Variants in OXNAD1 observed in about 807,000 individuals in gnomAD.
OXNAD1 encodes oxidoreductase NAD binding domain containing 1, also known as oxidoreductase NAD-binding domain-containing protein 1.
Under a neutral mutation model 32.9 loss-of-function variants are expected in OXNAD1, and 34 were observed. That is an observed-to-expected ratio of 1.03 (90% CI 0.79 to 1.38). The LOEUF is 1.38. Among genes scored for constraint, OXNAD1 ranks in the 40% most tolerant of loss-of-function variants. The pLI is 0.00. For missense variants in OXNAD1, 407 were observed against 379.4 expected (o/e 1.07, Z -0.60); for synonymous variants, 134 against 135.2 (o/e 0.99, Z 0.06).
At chr3:16,311,934 G>A (rs2068008541) in intron 9 of OXNAD1, among the ~76,000 whole-genome samples, 1 of 152,196 alleles carries the variant, frequency 6.6e-6, no homozygotes, top group Admixed American at 6.5e-5. Context: ...TTTAAAATGT[G>A]TATCTGTTTA....
In OXNAD1 at chr3:16,265,556, T is replaced by C. The variant is rs1261304388; in HGVS notation, c.-159+51T>C. 1 of 152,244 alleles carries C rather than the reference T, an allele frequency of 6.6e-6. No individual in the cohort carries two copies. Among genetic ancestry groups the C allele is most frequent in the Non-Finnish European group, 1.5e-5 (1 of 68,092 alleles). The allele number at this position is 152,244 out of a possible 1,614,324, so 9.4% of individuals were successfully genotyped here. ...AGACGCCTTAAAATACCCTAAATTGTGTTGCTGAAAGGACCAAGCCCTGGA... is the reference window on the plus strand; with the variant it reads ...AGACGCCTTAAAATACCCTAAATTGCGTTGCTGAAAGGACCAAGCCCTGGA... On this transcript the variant is annotated intron_variant, in intron 1 of 8. Coordinates refer to ENST00000285083, the MANE Select transcript of OXNAD1 (RefSeq NM_138381.5). The surrounding 1 kb of genome is among the most constrained non-coding windows in gnomAD (Gnocchi z 4.8).
At position 16,287,912 on chromosome 3, in the gene OXNAD1, T is replaced by C. The variant is rs2066178782; in HGVS notation, c.290+1464T>C. The stretch of plus-strand genomic sequence containing the variant: ...CATTTCACTGAATTTAGGCCTGGTT[T>C]TCGTATGTGCCTGTCAGACTTCTTC... On this transcript the variant is annotated intron_variant, in intron 5 of 8. Transcript: ENST00000285083. The surrounding 1 kb of genome is among the most constrained non-coding windows in gnomAD (Gnocchi z 4.8). Among the ~76,000 whole-genome samples the C allele has an allele frequency of 6.6e-6, 1 of 152,182 alleles. No homozygotes were observed. Among genetic ancestry groups the C allele is most frequent in the Non-Finnish European group, 1.5e-5 (1 of 68,032 alleles).
At chr3:16,267,146 C>T (rs184909546) in intron 1 of OXNAD1, among the ~76,000 whole-genome samples, 1 of 152,176 alleles carries the variant, frequency 6.6e-6, no homozygotes, top group Non-Finnish European at 1.5e-5. Context: ...CACACCCTGC[C>T]TAATGTATCA....
At chr3:16,286,470 C>G (rs868750964) in intron 5 of OXNAD1, 22 bp downstream of exon 5, 2 of 1,584,802 alleles carry the variant, frequency 1.3e-6, no homozygotes, top group African/African-American at 2.7e-5. Flanking sequence ...TTCTGTGTTC[C>G]ATGTATGTAT....
chr3:16,274,707 A>G (rs2065199072), intron 4 of OXNAD1, among the ~76,000 whole-genome samples: 1 of 152,234 alleles, frequency 6.6e-6, no homozygotes, highest in Non-Finnish European at 1.5e-5. Flanking sequence ...TGCCCAAGCC[A>G]TATATGCCAG....
chr3:16,319,431 C>T lies in OXNAD1; in HGVS notation c.*30+15839C>T, dbSNP rs561594495. 2.1e-3 allele frequency among the ~76,000 whole-genome samples: 323 copies of T among 152,322 alleles called. 2 individuals carry two copies. Among genetic ancestry groups the T allele is most frequent in the African/African-American group, 7.2e-3 (300 of 41,560 alleles). Reference sequence around the variant, plus strand: ...TTATGAATCTGAGTTTCAAGTTACTCATCTCTAAAATGGTTGTCTCTACCT... The same window carrying T: ...TTATGAATCTGAGTTTCAAGTTACTTATCTCTAAAATGGTTGTCTCTACCT... On this transcript the variant is annotated intron_variant, in intron 9 of 9. Coordinates refer to the OXNAD1 transcript ENST00000435829.
Position 16,301,477 on chromosome 3 carries a change from C to T in OXNAD1, c.433-149C>T, listed in dbSNP as rs988857185. The T allele has an allele frequency of 1.1e-5, 10 of 925,984 alleles. No individual in the cohort carries two copies. The highest frequency in any genetic ancestry group is 2.8e-5 in the Admixed American group (1 of 35,776). The allele number at this position is 925,984 out of a possible 1,614,324, so 57.4% of individuals were successfully genotyped here. Reference sequence around the variant, plus strand: ...ATAAAATGAGCAAGTGGAATCAATTCACAGGGCATCGGGAAAATTGGGAGC... The same window carrying T: ...ATAAAATGAGCAAGTGGAATCAATTTACAGGGCATCGGGAAAATTGGGAGC... On this transcript the variant is annotated intron_variant, in intron 6 of 8. Coordinates refer to ENST00000285083, the MANE Select transcript of OXNAD1 (RefSeq NM_138381.5). The surrounding 1 kb of genome is among the most constrained non-coding windows in gnomAD (Gnocchi z 4.1).
rs2064754088 is a variant in OXNAD1, at chr3:16,269,068, A to G, written c.-158-58A>G. On this transcript the variant is annotated intron_variant, in intron 1 of 8. Transcript: ENST00000285083. Reference sequence around the variant, plus strand: ...GCCTTTCCTTTGGCAGCTAAGAGGTAATAGTGCTTTTGATCAGTTCCCCAA... The same window carrying G: ...GCCTTTCCTTTGGCAGCTAAGAGGTGATAGTGCTTTTGATCAGTTCCCCAA... 4 of 1,372,554 alleles carry G rather than the reference A, an allele frequency of 2.9e-6. No individual in the cohort carries two copies. In the South Asian group the frequency reaches 7.1e-5, roughly 24 times the overall value. 85.0% of individuals were successfully genotyped at this position (1,372,554 alleles called of 1,614,324 possible). A position where few individuals can be genotyped will look rare whatever the true frequency, so the allele number is the denominator to read the frequency against.
Position 16,316,574 on chromosome 3 carries a change from A to G in OXNAD1, c.*30+12982A>G. ...TGGAGCCAGGACTGGGCCTTCAGCC[A>G]TGAGGGCTAGAATAACCTGACCTCT... On this transcript the variant is annotated intron_variant, in intron 9 of 9. Coordinates refer to the OXNAD1 transcript ENST00000435829. The surrounding 1 kb of genome is among the most constrained non-coding windows in gnomAD (Gnocchi z 4.5). 3.8e-6 allele frequency: 2 copies of G among 527,610 alleles called. No individual in the cohort carries two copies. The highest frequency in any genetic ancestry group is 2.1e-5 in the South Asian group (1 of 48,248). 32.7% of individuals were successfully genotyped at this position (527,610 alleles called of 1,614,324 possible).
chr3:16,313,915 ATTC>A (rs2068150225), intron 9 of OXNAD1, among the ~76,000 whole-genome samples: 4 of 152,148 alleles, frequency 2.6e-5, no homozygotes, highest in South Asian at 2.1e-4. Flanking sequence ...TTAGATAAGA[ATTC>A]TTCTTCCTCC....
At position 16,318,028 on chromosome 3, in the gene OXNAD1, C is replaced by A. The variant is rs184186608; in HGVS notation, c.*30+14436C>A. On this transcript the variant is annotated intron_variant, in intron 9 of 9. Transcript: ENST00000435829. ...ACTTCCAATCTCAGAGGCCGCTTCCCGGGGGCCCAACCTGCAACCAAGCAT... is the reference window on the plus strand; with the variant it reads ...ACTTCCAATCTCAGAGGCCGCTTCCAGGGGGCCCAACCTGCAACCAAGCAT... 1.9e-4 allele frequency among the ~76,000 whole-genome samples: 29 copies of A among 152,296 alleles called. No individual in the cohort carries two copies. In the East Asian group the frequency reaches 5.6e-3, roughly 29 times the overall value.
chr3:16,342,365 G>A lies in OXNAD1; in HGVS notation c.*31-6811G>A, dbSNP rs544430325. Among the ~76,000 whole-genome samples, 3 of 152,334 alleles carry A rather than the reference G, an allele frequency of 2.0e-5. No individual in the cohort carries two copies. The highest frequency in any genetic ancestry group is 7.2e-5 in the African/African-American group (3 of 41,580). ...AGGTTCATACATGTAGCATATATCAGTAGTTTATTCCTTTTTATTGCAAAA... is the reference window on the plus strand; with the variant it reads ...AGGTTCATACATGTAGCATATATCAATAGTTTATTCCTTTTTATTGCAAAA... On this transcript the variant is annotated intron_variant, in intron 9 of 9. Coordinates refer to the OXNAD1 transcript ENST00000606098. The surrounding 1 kb of genome is among the most constrained non-coding windows in gnomAD (Gnocchi z 4.0).
intron 9 of OXNAD1, among the ~76,000 whole-genome samples, chr3:16,324,614 C>CCG (rs1049623877): frequency 2.9e-5 from 1 of 34,662 alleles, no homozygotes. Flanking sequence ...ATGTCCCTGA[C>CCG]CCCCCCCCTT....
In OXNAD1 at chr3:16,287,431, G is replaced by A. The variant is rs1042856728; in HGVS notation, c.290+983G>A. 4.1e-4 allele frequency among the ~76,000 whole-genome samples: 63 copies of A among 152,216 alleles called. No individual in the cohort carries two copies. Among genetic ancestry groups the A allele is most frequent in the African/African-American group, 1.3e-3 (54 of 41,458 alleles). ...ATGCTGATTGCAATAATTTGGGTTTGTGAAGCAATTTACTGCAATCTTTGC... is the reference window on the plus strand; with the variant it reads ...ATGCTGATTGCAATAATTTGGGTTTATGAAGCAATTTACTGCAATCTTTGC... On this transcript the variant is annotated intron_variant, in intron 5 of 8. Transcript: ENST00000285083. This position sits in a 1 kb window ranked among gnomAD's most constrained non-coding sequence, Gnocchi z 4.8.
At position 16,323,094 on chromosome 3, in the gene OXNAD1, C is replaced by G. The variant is rs181648193; in HGVS notation, c.*31-14018C>G. Among the ~76,000 whole-genome samples the G allele has an allele frequency of 2.3e-3, 346 of 152,284 alleles. 3 individuals carry two copies. The highest frequency in any genetic ancestry group is 8.1e-3 in the African/African-American group (338 of 41,558). The stretch of plus-strand genomic sequence containing the variant: ...GCTGACTTCGTGCCCTTCTTTTCAT[C>G]CTAGTGGGAATATCTAGCAGGCTGA... On this transcript the variant is annotated intron_variant, in intron 9 of 9. Coordinates refer to the OXNAD1 transcript ENST00000435829.
At chr3:16,310,381 A>G (rs566462845), downstream of OXNAD1, among the ~76,000 whole-genome samples, 15 of 152,202 alleles carry the variant, frequency 9.9e-5, no homozygotes, top group Non-Finnish European at 1.6e-4. Flanking sequence ...TATAGGAAGC[A>G]TTTTAATGCT....
Position 16,344,691 on chromosome 3 carries a change from G to C in OXNAD1, c.*31-4485G>C, listed in dbSNP as rs1027358599. 6.6e-6 allele frequency among the ~76,000 whole-genome samples: 1 copy of C among 152,182 alleles called. No homozygotes were observed. The highest frequency in any genetic ancestry group is 2.4e-5 in the African/African-American group (1 of 41,428). On this transcript the variant is annotated intron_variant, in intron 9 of 9. Transcript: ENST00000606098. This position sits in a 1 kb window ranked among gnomAD's most constrained non-coding sequence, Gnocchi z 4.4. ...CCAAGGCACAGGATGGCATCAGAAAGCTCATGAAGACAGACCTCCTCCCAA... is the reference window on the plus strand; with the variant it reads ...CCAAGGCACAGGATGGCATCAGAAACCTCATGAAGACAGACCTCCTCCCAA...
In OXNAD1 at chr3:16,317,642, T is replaced by C. The variant is rs573283263; in HGVS notation, c.*30+14050T>C. Among the ~76,000 whole-genome samples the C allele has an allele frequency of 2.0e-5, 3 of 152,286 alleles. No individual in the cohort carries two copies. Among genetic ancestry groups the C allele is most frequent in the East Asian group, 3.9e-4 (2 of 5,178 alleles). On this transcript the variant is annotated intron_variant, in intron 9 of 9. Transcript: ENST00000435829. The surrounding 1 kb of genome is among the most constrained non-coding windows in gnomAD (Gnocchi z 4.3). ...TTTCCATTCTGAGCAGGCTGAGGAT[T>C]ACCAGGCACGGGGCTGGCATTCTCT...
rs1283225655 is a variant in OXNAD1, at chr3:16,269,250, C to G, written c.-34C>G. 1.3e-6 allele frequency: 2 copies of G among 1,535,430 alleles called. No individual in the cohort carries two copies. The highest frequency in any genetic ancestry group is 2.4e-5 in the South Asian group (2 of 84,014). On this transcript the variant is annotated 5_prime_UTR_variant, in exon 2 of 9. Transcript: ENST00000285083. ...AATCAGCTGACCATATACTTAATGACTCCTAAAATCTCGTGGACTTCTAAG... is the reference window on the plus strand; with the variant it reads ...AATCAGCTGACCATATACTTAATGAGTCCTAAAATCTCGTGGACTTCTAAG...
Sources: gnomAD v4.1 joint callset for allele counts (sites outside exome capture counted in the v4.1 genomes callset) on GRCh38, gnomAD v4.1.1 for gene constraint, Gnocchi (gnomAD v3.1) non-coding constraint, MANE v1.5 for transcripts, NCBI Gene and HGNC (gene_info 2026-07-23, HGNC 2026-07-21) for gene names.